RPS6KC1: variants seen among roughly 807,000 people sequenced by gnomAD.
RPS6KC1 encodes inactive ribosomal protein S6 kinase delta-1.
Under a neutral mutation model 103.8 loss-of-function variants are expected in RPS6KC1, and 54 were observed. The observed-to-expected ratio is 0.52, with a 90% CI of 0.42 to 0.65. The LOEUF (loss-of-function observed/expected upper bound fraction) is 0.65. RPS6KC1 is among the 30% of genes least tolerant of loss of function. The pLI, the probability that RPS6KC1 is intolerant of heterozygous loss-of-function variation, is 0.00. For missense variants in RPS6KC1, 1,151 were observed against 1,253.8 expected (o/e 0.92, Z 1.24); for synonymous variants, 439 against 438.7 (o/e 1.00, Z -0.01).
the RPS6KC1 span, among the ~76,000 whole-genome samples, chr1:213,792,360 C>T: frequency 5.3e-5 from 8 of 152,190 alleles, no homozygotes; most frequent in African/African-American, 1.4e-4. Flanking sequence ...CTCTTCCTGT[C>T]GGTCACTGTC....
chr1:213,339,582 T>C, the RPS6KC1 span, among the ~76,000 whole-genome samples: 1 of 152,248 alleles, frequency 6.6e-6, no homozygotes, highest in Non-Finnish European at 1.5e-5. Context: ...CTAGAAATAA[T>C]CTCTTAAACT....
intron 6 of RPS6KC1, among the ~76,000 whole-genome samples, chr1:213,165,815 C>G (rs1277639941): frequency 6.6e-6 from 1 of 152,146 alleles, no homozygotes; most frequent in Non-Finnish European, 1.5e-5. Flanking sequence ...CCTCAGCCTC[C>G]CAAAGTGTTG....
chr1:213,658,447 G>A, the RPS6KC1 span, among the ~76,000 whole-genome samples: 1 of 152,188 alleles, frequency 6.6e-6, no homozygotes, highest in Non-Finnish European at 1.5e-5. Flanking sequence ...ATCAAAGGTG[G>A]CCAGTAAGGA....
At chr1:213,605,841 G>A in the RPS6KC1 span, among the ~76,000 whole-genome samples, 3 of 152,164 alleles carry the variant, frequency 2.0e-5, no homozygotes, top group African/African-American at 7.2e-5. Context: ...GAGGGGAAAC[G>A]ACCAAGGTTA....
intron 3 of RPS6KC1, among the ~76,000 whole-genome samples, chr1:213,093,869 C>T (rs61834096): frequency 0.034 from 5,189 of 152,166 alleles, 121 homozygotes; most frequent in Middle Eastern, 0.054. Flanking sequence ...CTCTAACATA[C>T]CTTACTCTCT....
the RPS6KC1 span, among the ~76,000 whole-genome samples, chr1:213,507,945 T>C: frequency 6.6e-6 from 1 of 152,224 alleles, no homozygotes; most frequent in East Asian, 1.9e-4. Context: ...TGTTTATTAT[T>C]CAAATCAGCA....
intron 8 of RPS6KC1, among the ~76,000 whole-genome samples, chr1:213,224,550 T>C (rs753368498): frequency 4.6e-5 from 7 of 152,234 alleles, no homozygotes; most frequent in Admixed American, 1.3e-4. Context: ...AATTATTTCA[T>C]GACAGTTTTA....
intron 2 of RPS6KC1, among the ~76,000 whole-genome samples, chr1:213,074,178 A>C (rs2079110411): frequency 6.6e-6 from 1 of 152,216 alleles, no homozygotes; most frequent in Non-Finnish European, 1.5e-5. Flanking sequence ...GGAATCTAAA[A>C]AGTTTTTGGT....
chr1:213,242,432 G>A (rs1028160679), intron 11 of RPS6KC1, 135 bp downstream of exon 11: 5 of 1,146,764 alleles, frequency 4.4e-6, no homozygotes, highest in Non-Finnish European at 6.4e-6. Flanking sequence ...TTCACCCCCA[G>A]TAATAGCTTC....
chr1:213,684,409 A>C, the RPS6KC1 span, among the ~76,000 whole-genome samples: 2 of 152,190 alleles, frequency 1.3e-5, no homozygotes, highest in African/African-American at 4.8e-5. Context: ...CTGTGTCTTC[A>C]GTCCTAGTGT....
the RPS6KC1 span, among the ~76,000 whole-genome samples, chr1:213,676,427 G>A: frequency 6.6e-6 from 1 of 152,180 alleles, no homozygotes. Context: ...TCTGAGGAAT[G>A]GAGAAAAAAG....
intron 6 of RPS6KC1, among the ~76,000 whole-genome samples, chr1:213,139,157 T>A (rs1216031168): frequency 6.6e-6 from 1 of 152,182 alleles, no homozygotes; most frequent in East Asian, 1.9e-4. Flanking sequence ...TGTCTTCTTT[T>A]GAGAAGTGCC....
chr1:213,427,236 A>T, the RPS6KC1 span, among the ~76,000 whole-genome samples: 1 of 152,378 alleles, frequency 6.6e-6, no homozygotes, highest in South Asian at 2.1e-4. Flanking sequence ...AACTGGGGAC[A>T]TTAAGAGCCA....
chr1:213,205,315 A>C, intron 8 of RPS6KC1: 1 of 984,938 alleles, frequency 1.0e-6, no homozygotes, highest in Non-Finnish European at 1.2e-6. Flanking sequence ...AAGGACAGCA[A>C]GCTAGATAAA....
At chr1:213,413,614 A>T in the RPS6KC1 span, among the ~76,000 whole-genome samples, 29 of 152,342 alleles carry the variant, frequency 1.9e-4, no homozygotes, top group South Asian at 5.8e-3. Context: ...GTACATCCTC[A>T]TTGGGCTACT....
chr1:213,240,051 C>A (rs547335951), intron 10 of RPS6KC1, among the ~76,000 whole-genome samples: 2 of 152,120 alleles, frequency 1.3e-5, no homozygotes, highest in South Asian at 2.1e-4. Flanking sequence ...AATACACAGT[C>A]GGAATTTCCG....
intron 2 of RPS6KC1, 95 bp from the exon 3 acceptor site, chr1:213,077,601 G>C (rs2079461824): frequency 1.4e-6 from 1 of 703,558 alleles, no homozygotes; most frequent in Non-Finnish European, 2.2e-6. Context: ...GCCTTTGCAT[G>C]ACAATTTTGA....
the RPS6KC1 span, among the ~76,000 whole-genome samples, chr1:213,563,512 C>A: frequency 6.6e-6 from 1 of 151,890 alleles, no homozygotes; most frequent in African/African-American, 2.4e-5. Context: ...TGTGGTTAAA[C>A]TTTTTTTCTT....
At chr1:213,203,271 G>C (rs553622149) in intron 8 of RPS6KC1, among the ~76,000 whole-genome samples, 65 of 152,198 alleles carry the variant, frequency 4.3e-4, no homozygotes, top group Admixed American at 1.2e-3. Flanking sequence ...TTTCCTTTGA[G>C]TGTCATGTCA....
Sources: allele counts gnomAD v4.1 joint callset (sites outside exome capture counted in the v4.1 genomes callset), GRCh38; gene constraint gnomAD v4.1.1; transcripts MANE v1.5; gene names NCBI Gene and HGNC (gene_info 2026-07-23, HGNC 2026-07-21).